Variants in RAD51B observed in about 807,000 individuals in gnomAD.
RAD51B encodes RAD51 paralog B.
In RAD51B, 38 loss-of-function variants were observed where a neutral mutation model predicts 42.2. That is an observed-to-expected ratio of 0.90 (90% CI 0.70 to 1.18). RAD51B has a LOEUF of 1.18. Ranked by LOEUF, RAD51B falls within the 50% of genes most tolerant of loss-of-function variation. The pLI is 0.00. For synonymous variants in RAD51B, 154 were observed against 145.2 expected, an observed-to-expected ratio of 1.06 and a Z score of -0.43; for missense variants, 373 against 400.7, an observed-to-expected ratio of 0.93 and a Z score of 0.59.
intron 11 of RAD51B, among the ~76,000 whole-genome samples, chr14:68,659,248 C>A (rs909157796): frequency 2.0e-5 from 3 of 152,240 alleles, no homozygotes; most frequent in Non-Finnish European, 2.9e-5. Context: ...CCGGCTGGGC[C>A]ACCTTCTGGT....
chr14:68,192,659 G>A (rs888593505), intron 7 of RAD51B, among the ~76,000 whole-genome samples: 1 of 152,156 alleles, frequency 6.6e-6, no homozygotes, highest in Non-Finnish European at 1.5e-5. Context: ...AAGGTAAACA[G>A]ACCAGAGCTC....
intron 10 of RAD51B, chr14:68,627,031 T>C (rs759693633): frequency 2.0e-5 from 3 of 152,218 alleles, no homozygotes; most frequent in African/African-American, 7.2e-5. Context: ...TCTTACCTCA[T>C]ACCCCAAGGT....
At chr14:68,180,023 C>G (rs2079032501) in intron 7 of RAD51B, among the ~76,000 whole-genome samples, 1 of 152,152 alleles carries the variant, frequency 6.6e-6, no homozygotes, top group Admixed American at 6.5e-5. Flanking sequence ...GTATTCCACC[C>G]TTTATTCCCC....
intron 9 of RAD51B, among the ~76,000 whole-genome samples, chr14:68,436,517 C>G (rs1349871950): frequency 6.6e-6 from 1 of 151,956 alleles, no homozygotes; most frequent in African/African-American, 2.4e-5. Context: ...CTTTTTGGTT[C>G]CATGTGAATT....
intron 7 of RAD51B, among the ~76,000 whole-genome samples, chr14:68,001,157 T>G (rs1057155839): frequency 6.6e-6 from 1 of 152,094 alleles, no homozygotes; most frequent in Non-Finnish European, 1.5e-5. Flanking sequence ...GAAAATTGAT[T>G]TTTATATTTA....
chr14:68,224,818 C>T (rs1470826307), intron 7 of RAD51B, among the ~76,000 whole-genome samples: 3 of 151,962 alleles, frequency 2.0e-5, no homozygotes, highest in South Asian at 2.1e-4. Flanking sequence ...CTCAGCCTCC[C>T]GAGTAGCTGG....
At chr14:68,046,433 C>T (rs944747794) in intron 7 of RAD51B, among the ~76,000 whole-genome samples, 3 of 152,148 alleles carry the variant, frequency 2.0e-5, no homozygotes, top group African/African-American at 4.8e-5. Flanking sequence ...CTTTTAGAGC[C>T]ATCTTCAAAT....
At chr14:68,284,376 A>G (rs2081376638) in intron 7 of RAD51B, among the ~76,000 whole-genome samples, 1 of 152,258 alleles carries the variant, frequency 6.6e-6, no homozygotes, top group South Asian at 2.1e-4. Flanking sequence ...TGAAACATTT[A>G]TTCTAAGCAG....
intron 10 of RAD51B, among the ~76,000 whole-genome samples, chr14:68,629,498 T>C (rs960509628): frequency 6.6e-6 from 1 of 152,192 alleles, no homozygotes; most frequent in African/African-American, 2.4e-5. Flanking sequence ...GTCTTAACGT[T>C]TATTCTTAAA....
At chr14:68,607,527 C>A (rs768436558) in intron 10 of RAD51B, among the ~76,000 whole-genome samples, 1 of 152,196 alleles carries the variant, frequency 6.6e-6, no homozygotes. Context: ...CCTCAGCCCA[C>A]GTCCGCCCTT....
intron 7 of RAD51B, among the ~76,000 whole-genome samples, chr14:67,949,579 C>T (rs150352758): frequency 7.4e-4 from 113 of 152,264 alleles, no homozygotes; most frequent in Non-Finnish European, 1.3e-3. Flanking sequence ...ATCTTCTTCG[C>T]TCCTGTCAAT....
chr14:68,498,100 A>G (rs754785026), intron 10 of RAD51B, among the ~76,000 whole-genome samples: 13 of 152,246 alleles, frequency 8.5e-5, no homozygotes, highest in Non-Finnish European at 1.3e-4. Context: ...TATTCTCCAC[A>G]TGGCTGAATC....
At chr14:68,408,271 C>T (rs2084330885) in intron 8 of RAD51B, among the ~76,000 whole-genome samples, 1 of 152,106 alleles carries the variant, frequency 6.6e-6, no homozygotes, top group Admixed American at 6.6e-5. Context: ...GAGAAGGAAA[C>T]ATTTTGAAAA....
chr14:68,101,871 G>A (rs2077296239), intron 7 of RAD51B, among the ~76,000 whole-genome samples: 1 of 152,242 alleles, frequency 6.6e-6, no homozygotes, highest in Non-Finnish European at 1.5e-5. Context: ...TGCCCTAGCA[G>A]AGGTTCTTTA....
At chr14:68,661,125 G>A (rs1387019376) in intron 11 of RAD51B, among the ~76,000 whole-genome samples, 1 of 152,174 alleles carries the variant, frequency 6.6e-6, no homozygotes, top group Non-Finnish European at 1.5e-5. Flanking sequence ...AAGGAAAGAG[G>A]GGGACAGATT....
At chr14:68,417,668 C>CATT (rs2084595861) in intron 9 of RAD51B, among the ~76,000 whole-genome samples, 1 of 152,212 alleles carries the variant, frequency 6.6e-6, no homozygotes, top group Admixed American at 6.5e-5. Context: ...AGCTGCTACT[C>CATT]ACAGTGCAGG....
chr14:67,972,076 T>G (rs950901673), intron 7 of RAD51B, among the ~76,000 whole-genome samples: 2 of 150,966 alleles, frequency 1.3e-5, no homozygotes, highest in African/African-American at 4.9e-5. Flanking sequence ...CTGGCAATAA[T>G]CCTAACCCTT....
chr14:68,452,013 C>T (rs1055334706), intron 9 of RAD51B, among the ~76,000 whole-genome samples: 3 of 152,100 alleles, frequency 2.0e-5, no homozygotes, highest in African/African-American at 7.2e-5. Context: ...CTTCTGTGAC[C>T]CTTGAAGGCC....
At chr14:67,833,331 G>A (rs1279620012) in intron 3 of RAD51B, among the ~76,000 whole-genome samples, 4 of 152,098 alleles carry the variant, frequency 2.6e-5, no homozygotes, top group South Asian at 2.1e-4. Context: ...AGCTGAGATC[G>A]CATCACTGCA....
Sources: allele counts gnomAD v4.1 joint callset (sites outside exome capture counted in the v4.1 genomes callset), GRCh38; gene constraint gnomAD v4.1.1; transcripts MANE v1.5; gene names NCBI Gene and HGNC (gene_info 2026-07-23, HGNC 2026-07-21).